Variants in TMEM164 observed in about 807,000 individuals in gnomAD.
TMEM164 encodes RP13-360B22.2.
TMEM164 carries 4 observed loss-of-function variants against 18.8 expected under a neutral mutation model. The ratio of observed to expected loss-of-function variants is 0.21; its 90% CI spans 0.10 to 0.49. TMEM164 has a LOEUF of 0.49. Among genes scored for constraint, TMEM164 ranks in the 20% least tolerant of loss-of-function variants. The pLI is 0.98. For synonymous variants in TMEM164, 86 were observed against 101.7 expected, an observed-to-expected ratio of 0.85 and a Z score of 0.93; for missense variants, 108 against 239.9, an observed-to-expected ratio of 0.45 and a Z score of 3.63.
chrX:110,154,064 G>A (rs775618561), intron 5 of TMEM164, among the ~76,000 whole-genome samples: 22 of 111,362 alleles, frequency 2.0e-4, no homozygotes, highest in South Asian at 3.8e-4. Context: ...ATGGAGGGCC[G>A]ACTTTGTGGT....
In TMEM164 at chrX:110,175,825, T is replaced by G; in HGVS notation, c.*2374T>G. The G allele has an allele frequency of 1.3e-6, 1 of 755,381 alleles. No homozygotes were observed. Among genetic ancestry groups the G allele is most frequent in the Non-Finnish European group, 1.6e-6 (1 of 639,768 alleles). 62.3% of individuals were successfully genotyped at this position (755,381 alleles called of 1,213,427 possible). On this transcript the variant is annotated 3_prime_UTR_variant, in exon 7 of 7. Transcript: ENST00000372068. ...CATAAGGCATCTGAACTGGTCCAGATCTCACTCTTATCTTGGGCCAAGCCA... is the reference window on the plus strand; with the variant it reads ...CATAAGGCATCTGAACTGGTCCAGAGCTCACTCTTATCTTGGGCCAAGCCA...
intron 3 of TMEM164, among the ~76,000 whole-genome samples, chrX:110,105,301 C>T (rs2066173378): frequency 9.1e-6 from 1 of 110,457 alleles, no homozygotes; most frequent in South Asian, 3.8e-4. Context: ...ATGCCATGCA[C>T]ATTTTAATGC....
chrX:110,052,375 CT>C (rs1357501816), intron 2 of TMEM164, among the ~76,000 whole-genome samples: 4 of 112,520 alleles, frequency 3.6e-5, no homozygotes, highest in Admixed American at 9.4e-5. Context: ...CCTCTGACCC[CT>C]GATCCACTAG....
intron 2 of TMEM164, among the ~76,000 whole-genome samples, chrX:110,038,710 T>TACCTCACCTC (rs1430975573): frequency 9.1e-6 from 1 of 109,581 alleles, no homozygotes; most frequent in African/African-American, 3.3e-5. Flanking sequence ...TACCCCACCA[T>TACCTCACCTC]ACCTCACCTC....
At chrX:110,077,429 T>C (rs1358283405) in intron 3 of TMEM164, among the ~76,000 whole-genome samples, 1 of 111,765 alleles carries the variant, frequency 8.9e-6, no homozygotes, top group Non-Finnish European at 1.9e-5. Context: ...TCTGTGCCCT[T>C]TCAGTGGACA....
chrX:110,111,096 C>T (rs2066284078), intron 4 of TMEM164, among the ~76,000 whole-genome samples: 1 of 112,221 alleles, frequency 8.9e-6, no homozygotes, highest in South Asian at 3.7e-4. Context: ...CAACATTCCC[C>T]TGTGAGCTGG....
At chrX:110,170,915 C>T (rs762789073) in intron 5 of TMEM164, among the ~76,000 whole-genome samples, 3 of 111,642 alleles carry the variant, frequency 2.7e-5, no homozygotes, top group Admixed American at 9.5e-5. Context: ...TTCACATGGC[C>T]CGTAAGCGGT....
intron 2 of TMEM164, among the ~76,000 whole-genome samples, chrX:110,022,383 G>C (rs1164715428): frequency 9.0e-6 from 1 of 111,102 alleles, no homozygotes; most frequent in Non-Finnish European, 1.9e-5. Flanking sequence ...ACCTTTATTG[G>C]GCCTTTTCAG....
At chrX:110,024,439 G>A (rs780440663) in intron 2 of TMEM164, among the ~76,000 whole-genome samples, 53 of 110,953 alleles carry the variant, frequency 4.8e-4, no homozygotes, top group Middle Eastern at 4.6e-3. Context: ...ACATGCCATC[G>A]CACCTGGCTG....
intron 2 of TMEM164, among the ~76,000 whole-genome samples, chrX:110,015,550 AGTGTGTGTGTGTGT>A (rs200228472): frequency 2.0e-5 from 2 of 99,627 alleles, no homozygotes; most frequent in Non-Finnish European, 4.1e-5. Context: ...CAGGAACTTG[AGTGTGTGTGTGTGT>A]GTGTGTGTGT....
intron 2 of TMEM164, among the ~76,000 whole-genome samples, chrX:110,059,692 C>G (rs1304678029): frequency 2.7e-5 from 3 of 112,092 alleles, no homozygotes; most frequent in Non-Finnish European, 1.9e-5. Context: ...CAGCCCAACA[C>G]AAATTCATAA....
chrX:110,079,416 T>C (rs762830222), intron 3 of TMEM164, among the ~76,000 whole-genome samples: 2 of 112,395 alleles, frequency 1.8e-5, no homozygotes, highest in Admixed American at 1.9e-4. Flanking sequence ...ACCAGTCCAC[T>C]TTTGCTTTGA....
At chrX:110,019,489 C>T (rs778229837) in intron 2 of TMEM164, among the ~76,000 whole-genome samples, 1 of 111,625 alleles carries the variant, frequency 9.0e-6, no homozygotes, top group Non-Finnish European at 1.9e-5. Context: ...CTATCCTTTA[C>T]TCTATCTACT....
At chrX:110,127,513 C>CAAAAAAAACA (rs756719433) in intron 4 of TMEM164, among the ~76,000 whole-genome samples, 1 of 111,716 alleles carries the variant, frequency 9.0e-6, no homozygotes, top group Non-Finnish European at 1.9e-5. Context: ...AACTCCGTCT[C>CAAAAAAAACA]AAACAAAACA....
At chrX:110,089,339 A>C (rs1014109506) in intron 3 of TMEM164, among the ~76,000 whole-genome samples, 1 of 111,144 alleles carries the variant, frequency 9.0e-6, no homozygotes, top group Non-Finnish European at 1.9e-5. Context: ...CTGAGATTAC[A>C]GGCACTGCCA....
chrX:110,114,277 C>T (rs1189217446), intron 4 of TMEM164, among the ~76,000 whole-genome samples: 2 of 111,999 alleles, frequency 1.8e-5, no homozygotes, highest in Non-Finnish European at 3.8e-5. Flanking sequence ...AGCCCCTCTC[C>T]CCTCTGTAAG....
At chrX:110,051,229 G>A in intron 2 of TMEM164, among the ~76,000 whole-genome samples, 1 of 111,904 alleles carries the variant, frequency 8.9e-6, no homozygotes, top group East Asian at 2.8e-4. Context: ...AAACCCGGCT[G>A]TACATTGAAA....
chrX:110,020,874 C>G (rs1212355718), intron 2 of TMEM164, among the ~76,000 whole-genome samples: 1 of 106,651 alleles, frequency 9.4e-6, no homozygotes, highest in Non-Finnish European at 1.9e-5. Context: ...TAAAAGGAGG[C>G]TGATGTCTGA....
chrX:110,014,986 C>T (rs1435176297), intron 2 of TMEM164, among the ~76,000 whole-genome samples: 1 of 110,554 alleles, frequency 9.0e-6, no homozygotes, highest in African/African-American at 3.3e-5. Context: ...TGGCTTTTTG[C>T]ATCAGCAAAT....
Sources: allele counts gnomAD v4.1 joint callset (sites outside exome capture counted in the v4.1 genomes callset), GRCh38; gene constraint gnomAD v4.1.1; transcripts MANE v1.5; gene names NCBI Gene and HGNC (gene_info 2026-07-23, HGNC 2026-07-21).